Variants in LRP1B observed in about 807,000 individuals in gnomAD.
LRP1B encodes the protein LDL receptor related protein 1B, also known as low-density lipoprotein receptor-related protein 1B.
In LRP1B, 217 loss-of-function variants were observed where a neutral mutation model predicts 556.6. The observed-to-expected ratio is 0.39, with a 90% CI of 0.35 to 0.44. LRP1B has a LOEUF of 0.44. Among genes scored for constraint, LRP1B ranks in the 20% least tolerant of loss-of-function variants. The pLI is 1.00. For missense variants in LRP1B, 5,053 were observed against 5,620.8 expected (o/e 0.90, Z 3.23); for synonymous variants, 2,047 against 1,865.8 (o/e 1.10, Z -2.50).
chr2:141,249,091 C>T (rs1684169931), intron 4 of LRP1B, among the ~76,000 whole-genome samples: 2 of 152,168 alleles, frequency 1.3e-5, no homozygotes, highest in South Asian at 4.2e-4. Flanking sequence ...GTCTGTAGGG[C>T]AGCCTTGAGT....
chr2:140,615,043 C>T (rs948415700), intron 41 of LRP1B, among the ~76,000 whole-genome samples: 2 of 152,100 alleles, frequency 1.3e-5, no homozygotes, highest in African/African-American at 2.4e-5. Context: ...GCTTGGGGCT[C>T]AGGAGTTATG....
chr2:140,329,097 A>C (rs1680654856), intron 79 of LRP1B, among the ~76,000 whole-genome samples: 1 of 152,030 alleles, frequency 6.6e-6, no homozygotes, highest in Non-Finnish European at 1.5e-5. Flanking sequence ...GTAATACTAC[A>C]TACTCTCCTT....
chr2:141,160,815 A>T (rs1207093700), intron 7 of LRP1B, among the ~76,000 whole-genome samples: 1 of 150,266 alleles, frequency 6.7e-6, no homozygotes, highest in African/African-American at 2.5e-5. Context: ...GACATGTTCA[A>T]TATCTTTATT....
In LRP1B at chr2:141,949,540, C is replaced by T. The variant is rs148156923; in HGVS notation, c.83-139139G>A. On this transcript the variant is annotated intron_variant, in intron 1 of 90. Transcript: ENST00000389484. ...TAGTAGCTAGGATTACAGGTGCTCA[C>T]CACCATGCCCAGCTAATTTTTGTAT... 1.3e-3 allele frequency among the ~76,000 whole-genome samples: 193 copies of T among 152,258 alleles called. 1 individual carries two copies. The highest frequency in any genetic ancestry group is 4.5e-3 in the African/African-American group (187 of 41,544).
intron 11 of LRP1B, among the ~76,000 whole-genome samples, chr2:141,021,405 C>G (rs910024853): frequency 3.9e-5 from 6 of 151,944 alleles, no homozygotes; most frequent in Non-Finnish European, 7.4e-5. Flanking sequence ...CCCAATTTCG[C>G]TGAGCTATCT....
chr2:140,736,219 G>A (rs1687940842), intron 35 of LRP1B, among the ~76,000 whole-genome samples: 1 of 152,058 alleles, frequency 6.6e-6, no homozygotes, highest in Non-Finnish European at 1.5e-5. Context: ...ATGTTCCATG[G>A]GAAGCTTCAG....
intron 2 of LRP1B, among the ~76,000 whole-genome samples, chr2:141,632,625 T>C (rs1298922336): frequency 6.6e-6 from 1 of 152,182 alleles, no homozygotes; most frequent in Non-Finnish European, 1.5e-5. Flanking sequence ...CTGCATGTGA[T>C]AGAGAAAGTT....
chr2:142,079,481 TTTTC>T (rs568425010), intron 1 of LRP1B, among the ~76,000 whole-genome samples: 16 of 146,530 alleles, frequency 1.1e-4, no homozygotes, highest in South Asian at 1.1e-3. Flanking sequence ...ACATCCAATA[TTTTC>T]TTTCTTTCTT....
intron 6 of LRP1B, among the ~76,000 whole-genome samples, chr2:141,210,329 AC>A (rs1682487829): frequency 6.6e-6 from 1 of 151,066 alleles, no homozygotes; most frequent in African/African-American, 2.4e-5. Context: ...CAATAATTAT[AC>A]TTAAAGAGAA....
intron 2 of LRP1B, among the ~76,000 whole-genome samples, chr2:141,666,486 T>A (rs1183397970): frequency 2.0e-5 from 3 of 152,190 alleles, no homozygotes; most frequent in Non-Finnish European, 2.9e-5. Flanking sequence ...CCTAGGTACA[T>A]CCTTTCAAGT....
At chr2:141,563,980 C>T (rs531719872) in intron 2 of LRP1B, among the ~76,000 whole-genome samples, 17 of 151,918 alleles carry the variant, frequency 1.1e-4, no homozygotes, top group East Asian at 3.9e-4. Context: ...AACATATCCA[C>T]GTAACAAACC....
chr2:140,499,831 CAAT>C (rs1689104435), intron 55 of LRP1B, among the ~76,000 whole-genome samples: 1 of 151,710 alleles, frequency 6.6e-6, no homozygotes, highest in African/African-American at 2.4e-5. Flanking sequence ...CATTGTTGAC[CAAT>C]ACATCATTAT....
chr2:142,103,166 T>C (rs1706625244), intron 1 of LRP1B, among the ~76,000 whole-genome samples: 1 of 151,996 alleles, frequency 6.6e-6, no homozygotes, highest in Non-Finnish European at 1.5e-5. Context: ...GCTAACAAGT[T>C]ATCCACATTA....
intron 2 of LRP1B, among the ~76,000 whole-genome samples, chr2:141,598,103 T>TA (rs1687590055): frequency 6.6e-6 from 1 of 151,794 alleles, no homozygotes; most frequent in Non-Finnish European, 1.5e-5. Context: ...ATAATTTTTT[T>TA]ATTATATATA....
chr2:140,726,981 A>G (rs933730267), intron 35 of LRP1B, among the ~76,000 whole-genome samples: 16 of 152,166 alleles, frequency 1.1e-4, no homozygotes, highest in African/African-American at 3.9e-4. Context: ...TCTGGCTCAC[A>G]CACTCTAGAG....
intron 11 of LRP1B, among the ~76,000 whole-genome samples, chr2:141,042,157 G>T (rs887901170): frequency 7.9e-5 from 12 of 152,052 alleles, no homozygotes; most frequent in African/African-American, 2.9e-4. Flanking sequence ...TATTTTCAAG[G>T]ATGTTAATAA....
intron 2 of LRP1B, among the ~76,000 whole-genome samples, chr2:141,504,308 T>G (rs910089461): frequency 2.6e-5 from 4 of 152,136 alleles, no homozygotes; most frequent in African/African-American, 9.7e-5. Context: ...TGAAAAATAT[T>G]AAGTAATCAT....
intron 3 of LRP1B, among the ~76,000 whole-genome samples, chr2:141,444,487 G>A (rs984451244): frequency 6.6e-6 from 1 of 152,172 alleles, no homozygotes; most frequent in South Asian, 2.1e-4. Context: ...GTGAAAGAGG[G>A]CATCCTTGTC....
At chr2:141,819,620 A>C (rs1340271136) in intron 1 of LRP1B, among the ~76,000 whole-genome samples, 6 of 152,206 alleles carry the variant, frequency 3.9e-5, no homozygotes, top group African/African-American at 1.4e-4. Flanking sequence ...GAGGGATAGG[A>C]AGAAATTTGT....
Sources: gnomAD v4.1 joint callset for allele counts (sites outside exome capture counted in the v4.1 genomes callset) on GRCh38, gnomAD v4.1.1 for gene constraint, MANE v1.5 for transcripts, NCBI Gene and HGNC (gene_info 2026-07-23, HGNC 2026-07-21) for gene names.